FAM81A: variants seen among roughly 807,000 people sequenced by gnomAD.
The protein encoded by FAM81A is family with sequence similarity 81 member A.
A neutral mutation model predicts 46.7 loss-of-function variants in FAM81A; 19 were observed. The observed-to-expected ratio is 0.41, with a 90% CI of 0.28 to 0.60. FAM81A has a LOEUF of 0.60. Ranked by LOEUF, FAM81A falls within the 20% of genes least tolerant of loss-of-function variation. The pLI, the probability that FAM81A is intolerant of heterozygous loss-of-function variation, is 0.34. For missense variants in FAM81A, 377 were observed against 453.5 expected, an observed-to-expected ratio of 0.83 and a Z score of 1.53; for synonymous variants, 183 against 152.9, an observed-to-expected ratio of 1.20 and a Z score of -1.45.
In FAM81A at chr15:59,418,810, C is replaced by G. The variant is rs778838135; in HGVS notation, c.-78+16452C>G. Among the ~76,000 whole-genome samples the G allele has an allele frequency of 3.3e-5, 5 of 152,262 alleles. No homozygotes were observed. The South Asian group carries it at 1.0e-3, about 32-fold the overall frequency. The stretch of plus-strand genomic sequence containing the variant: ...ATTATCTGAGCCCCAGTTTCCTTTC[C>G]TGCAGAATGGAGGTGATGTCTCCTC... On this transcript the variant is annotated intron_variant, in intron 2 of 4. Coordinates refer to the FAM81A transcript ENST00000558348.
rs1442179986 is a variant in FAM81A, at chr15:59,458,609, C to G, written c.-18C>G. 6.2e-7 allele frequency: 1 copy of G among 1,613,874 alleles called. No homozygotes were observed. Among genetic ancestry groups the G allele is most frequent in the African/African-American group, 1.3e-5 (1 of 75,028 alleles). ...GCACTGTATTTCCTTCTCGTGTCAC[C>G]AAGGAAAGGTATAATATATGGAAAA... On this transcript the variant is annotated 5_prime_UTR_variant, in exon 2 of 9. Coordinates refer to ENST00000288228, the MANE Select transcript of FAM81A (RefSeq NM_152450.3).
chr15:59,435,662 A>G (rs551430534), upstream of FAM81A, among the ~76,000 whole-genome samples: 3 of 152,326 alleles, frequency 2.0e-5, no homozygotes, highest in East Asian at 5.8e-4. Flanking sequence ...TGTCTAGCAT[A>G]ATATACTGAA....
intron 3 of FAM81A, among the ~76,000 whole-genome samples, chr15:59,473,079 T>C (rs2081718401): frequency 6.6e-6 from 1 of 152,166 alleles, no homozygotes; most frequent in Admixed American, 6.6e-5. Flanking sequence ...CACCTAAATC[T>C]AACGACAGGT....
At chr15:59,452,406 G>A (rs763190030) in intron 1 of FAM81A, among the ~76,000 whole-genome samples, 1 of 152,226 alleles carries the variant, frequency 6.6e-6, no homozygotes, top group African/African-American at 2.4e-5. Flanking sequence ...CAGCACTTTG[G>A]GAGGCCAAGG....
intron 3 of FAM81A, among the ~76,000 whole-genome samples, chr15:59,468,441 G>T (rs1433023945): frequency 9.9e-5 from 15 of 152,142 alleles, no homozygotes; most frequent in Non-Finnish European, 2.2e-4. Flanking sequence ...TCTTGGGAGG[G>T]TGTGTGTGTC....
intron 1 of FAM81A, among the ~76,000 whole-genome samples, chr15:59,450,796 A>T (rs762874203): frequency 9.2e-5 from 14 of 152,234 alleles, no homozygotes; most frequent in Admixed American, 2.6e-4. Context: ...TTAGACTTAA[A>T]ACTTAGATTA....
chr15:59,463,390 A>C (rs1421930603), intron 3 of FAM81A, among the ~76,000 whole-genome samples: 1 of 152,196 alleles, frequency 6.6e-6, no homozygotes. Flanking sequence ...TATTTTTGAA[A>C]TAAGGTAATG....
At chr15:59,419,513 C>T (rs185860414) in intron 2 of FAM81A, among the ~76,000 whole-genome samples, 8 of 152,276 alleles carry the variant, frequency 5.3e-5, no homozygotes, top group Admixed American at 3.9e-4. Flanking sequence ...GTGTGAACCA[C>T]ATTATTTAGT....
intron 1 of FAM81A, among the ~76,000 whole-genome samples, chr15:59,448,587 G>GT (rs201830836): frequency 0.048 from 7,086 of 148,724 alleles, 210 homozygotes; most frequent in African/African-American, 0.074. Flanking sequence ...ACCTTGGTGG[G>GT]TTTTTTTTTT....
intron 3 of FAM81A, among the ~76,000 whole-genome samples, chr15:59,465,126 T>C (rs1316392816): frequency 6.6e-6 from 1 of 152,228 alleles, no homozygotes; most frequent in East Asian, 1.9e-4. Flanking sequence ...TGGCTGTAGA[T>C]ACGTGGATTA....
intron 4 of FAM81A, among the ~76,000 whole-genome samples, chr15:59,502,907 A>G (rs149146775): frequency 2.6e-5 from 4 of 152,172 alleles, no homozygotes; most frequent in African/African-American, 9.6e-5. Context: ...ACAAAAGTAC[A>G]CGAGGGATGT....
chr15:59,487,273 T>G (rs1694617149), intron 3 of FAM81A, among the ~76,000 whole-genome samples: 1 of 147,834 alleles, frequency 6.8e-6, no homozygotes, highest in East Asian at 1.9e-4. Context: ...ATTAGTTTTC[T>G]TTTTGCTTGT....
chr15:59,469,219 A>G (rs1432721585), intron 3 of FAM81A, among the ~76,000 whole-genome samples: 5 of 152,198 alleles, frequency 3.3e-5, no homozygotes, highest in African/African-American at 9.7e-5. Context: ...GTAGATGTCT[A>G]TTAGGTCTGC....
chr15:59,522,554 G>T lies in FAM81A; in HGVS notation c.*1176G>T, dbSNP rs1049636311. 1.3e-5 allele frequency: 2 copies of T among 152,150 alleles called. No homozygotes were observed. The highest frequency in any genetic ancestry group is 2.9e-5 in the Non-Finnish European group (2 of 68,010). The allele number at this position is 152,150 out of a possible 1,614,324, so 9.4% of individuals were successfully genotyped here. On this transcript the variant is annotated 3_prime_UTR_variant, in exon 9 of 9. Transcript: ENST00000288228. ...TCTTGAGCAACTTTGTAGATGATGG[G>T]TGTTTTATTTTCAATCGCCATATTT... is the stretch of plus-strand genomic sequence containing the variant.
intron 3 of FAM81A, among the ~76,000 whole-genome samples, chr15:59,482,903 A>G (rs1198509366): frequency 6.6e-6 from 1 of 152,094 alleles, no homozygotes; most frequent in Non-Finnish European, 1.5e-5. Flanking sequence ...GCAAGAATGT[A>G]TTCATATGAC....
At chr15:59,479,027 C>T (rs144708071) in intron 3 of FAM81A, among the ~76,000 whole-genome samples, 78 of 152,358 alleles carry the variant, frequency 5.1e-4, no homozygotes, top group East Asian at 2.9e-3. Context: ...CACTAACCCA[C>T]TAACAGCCAG....
At chr15:59,517,518 T>G (rs1486997753) in intron 8 of FAM81A, among the ~76,000 whole-genome samples, 1 of 152,158 alleles carries the variant, frequency 6.6e-6, no homozygotes, top group African/African-American at 2.4e-5. Context: ...AGAGGCTGGT[T>G]GATTGTGGTC....
At chr15:59,490,272 A>G (rs1460961753) in intron 3 of FAM81A, among the ~76,000 whole-genome samples, 1 of 152,230 alleles carries the variant, frequency 6.6e-6, no homozygotes, top group Non-Finnish European at 1.5e-5. Flanking sequence ...ATGGGATCAA[A>G]TTAAGTTAAA....
chr15:59,431,392 G>A (rs536768274), intron 2 of FAM81A, among the ~76,000 whole-genome samples: 230 of 152,172 alleles, frequency 1.5e-3, no homozygotes, highest in Non-Finnish European at 2.8e-3. Context: ...GTGCCACCAA[G>A]CCCAGCTAAT....
Sources: gnomAD v4.1 joint callset for allele counts (sites outside exome capture counted in the v4.1 genomes callset) on GRCh38, gnomAD v4.1.1 for gene constraint, MANE v1.5 for transcripts, NCBI Gene and HGNC (gene_info 2026-07-23, HGNC 2026-07-21) for gene names.